The following MARCO variants were observed in gnomAD, a reference collection of about 807,000 sequenced individuals.
MARCO encodes the protein macrophage receptor MARCO.
In MARCO, 72 loss-of-function variants were observed where a neutral mutation model predicts 70.0. That is an observed-to-expected ratio of 1.03 (90% CI 0.85 to 1.25). The LOEUF (loss-of-function observed/expected upper bound fraction) is 1.25, where lower values mean the gene tolerates loss of function less well. Among genes scored for constraint, MARCO ranks in the 50% most tolerant of loss-of-function variants. The probability of loss-of-function intolerance (pLI) is 0.00; values close to 1 mark genes in which losing one functional copy is unlikely to be tolerated. For synonymous variants in MARCO, 273 were observed against 243.1 expected (o/e 1.12, Z -1.14); for missense variants, 696 against 659.3 (o/e 1.06, Z -0.61).
Position 118,956,412 on chromosome 2 carries a change from T to TACTTCAATACTCCACTGACAGCACA in MARCO, c.98-12748_98-12747insACTTCAATACTCCACTGACAGCACA, listed in dbSNP as rs1553461119. 4.9e-5 allele frequency among the ~76,000 whole-genome samples: 7 copies of TACTTCAATACTCCACTGACAGCACA among 144,288 alleles called. No individual in the cohort carries two copies. The South Asian group carries it at 7.1e-4, about 15-fold the overall frequency. 94.7% of individuals were successfully genotyped at this position (144,288 alleles called of 152,430 possible). A position where few individuals can be genotyped will look rare whatever the true frequency, so the allele number is the denominator to read the frequency against. On this transcript the variant is annotated intron_variant, in intron 1 of 16. Transcript: ENST00000327097. ...AGAGACAAAAAGGGACATTATGTAA[T>TACTTCAATACTCCACTGACAGCACA]GGTAAAAGTCCTTGTCCAACAGGAA...
At chr2:118,986,522 A>T (rs1378192683) in intron 12 of MARCO, among the ~76,000 whole-genome samples, 1 of 136,444 alleles carries the variant, frequency 7.3e-6, no homozygotes, top group Non-Finnish European at 1.5e-5. Flanking sequence ...CCTGTCAAAA[A>T]GAAGAAAGAA....
At chr2:118,978,451 T>C (rs922632971) in intron 8 of MARCO, among the ~76,000 whole-genome samples, 1 of 152,176 alleles carries the variant, frequency 6.6e-6, no homozygotes. Context: ...ACCATGAAGG[T>C]CTGTGCACCA....
chr2:118,951,077 C>CA (rs1477969393), intron 1 of MARCO, among the ~76,000 whole-genome samples: 2 of 152,226 alleles, frequency 1.3e-5, no homozygotes, highest in African/African-American at 2.4e-5. Flanking sequence ...TGGCTGAGTG[C>CA]AAACAGCTCC....
chr2:118,951,965 C>T (rs1291156115), intron 1 of MARCO, among the ~76,000 whole-genome samples: 4 of 151,986 alleles, frequency 2.6e-5, no homozygotes, highest in Non-Finnish European at 5.9e-5. Context: ...TTTCCTCTCC[C>T]AGTTTCTCTC....
intron 12 of MARCO, among the ~76,000 whole-genome samples, chr2:118,986,501 C>T (rs983442805): frequency 1.5e-5 from 2 of 136,098 alleles, no homozygotes; most frequent in African/African-American, 5.4e-5. Flanking sequence ...GCCTGAGCAA[C>T]AGAGTGAGAC....
At chr2:118,972,862 C>T (rs1680199158) in intron 4 of MARCO, among the ~76,000 whole-genome samples, 1 of 152,174 alleles carries the variant, frequency 6.6e-6, no homozygotes, top group South Asian at 2.1e-4. Context: ...GGGTTCAGTA[C>T]AACCTTCAAA....
intron 12 of MARCO, among the ~76,000 whole-genome samples, chr2:118,983,782 T>C (rs1680436368): frequency 6.6e-6 from 1 of 152,002 alleles, no homozygotes; most frequent in African/African-American, 2.4e-5. Context: ...CATCTCTCGG[T>C]TGTAAATAGT....
rs564049551 is a variant in MARCO, at chr2:118,951,690, G to T, written c.97+9293G>T. 2.6e-5 allele frequency among the ~76,000 whole-genome samples: 4 copies of T among 152,356 alleles called. No individual in the cohort carries two copies. The South Asian group carries it at 8.3e-4, about 32-fold the overall frequency. On this transcript the variant is annotated intron_variant, in intron 1 of 16. Transcript: ENST00000327097. ...CAAGGTGGTATTGGAGTGTTATAGGGTCATGAAGAAGACTTTCAATTATCA... is the reference window on the plus strand; with the variant it reads ...CAAGGTGGTATTGGAGTGTTATAGGTTCATGAAGAAGACTTTCAATTATCA...
chr2:118,990,378 T>C lies in MARCO; in HGVS notation c.1064-211T>C, dbSNP rs558696906. On this transcript the variant is annotated intron_variant, in intron 12 of 16. Transcript: ENST00000327097. ...TAATCCAGGCTTTCATCCAGTACTT[T>C]GCCGTTTCACCCCCAACACACCTGT... is the stretch of plus-strand genomic sequence containing the variant. Among the ~76,000 whole-genome samples the C allele has an allele frequency of 2.0e-5, 3 of 152,288 alleles. No homozygotes were observed. In the South Asian group the frequency reaches 6.2e-4, roughly 32 times the overall value.
At chr2:118,969,061 G>T in intron 1 of MARCO, 99 bp from the exon 2 acceptor site, 1 of 808,832 alleles carries the variant, frequency 1.2e-6, no homozygotes, top group South Asian at 1.5e-5. Context: ...TGACCTCACA[G>T]GGTGCCCCCT....
intron 1 of MARCO, among the ~76,000 whole-genome samples, chr2:118,968,571 AC>A (rs1680100268): frequency 6.6e-6 from 1 of 152,164 alleles, no homozygotes; most frequent in South Asian, 2.1e-4. Context: ...TCGGGTTAGG[AC>A]CTTAGGGGGT....
intron 8 of MARCO, among the ~76,000 whole-genome samples, chr2:118,979,144 A>G (rs1680342002): frequency 6.6e-6 from 1 of 152,202 alleles, no homozygotes; most frequent in Non-Finnish European, 1.5e-5. Context: ...CCTCAAGAAG[A>G]CAGCCCTTAG....
At chr2:118,954,657 G>A (rs1004882072) in intron 1 of MARCO, among the ~76,000 whole-genome samples, 2 of 152,144 alleles carry the variant, frequency 1.3e-5, no homozygotes, top group Non-Finnish European at 2.9e-5. Flanking sequence ...GACCCTCACA[G>A]AGTCCACTGC....
chr2:118,986,056 A>G (rs1315295910), intron 12 of MARCO, among the ~76,000 whole-genome samples: 1 of 152,188 alleles, frequency 6.6e-6, no homozygotes, highest in Non-Finnish European at 1.5e-5. Flanking sequence ...CATTCCTTAT[A>G]TCTAAGTTCT....
intron 1 of MARCO, among the ~76,000 whole-genome samples, chr2:118,947,534 A>G (rs970991629): frequency 2.0e-5 from 3 of 152,060 alleles, no homozygotes; most frequent in African/African-American, 7.2e-5. Context: ...AGGTTTTCAT[A>G]TGTTTCATTT....
chr2:118,986,871 C>G (rs1680528632), intron 12 of MARCO, among the ~76,000 whole-genome samples: 1 of 152,074 alleles, frequency 6.6e-6, no homozygotes, highest in South Asian at 2.1e-4. Context: ...GAGATCTGAG[C>G]CTCAGCTTGA....
intron 12 of MARCO, among the ~76,000 whole-genome samples, chr2:118,986,694 AAAG>A (rs1573407468): frequency 2.1e-5 from 2 of 93,952 alleles, no homozygotes; most frequent in Non-Finnish European, 2.1e-5. Flanking sequence ...AGAAAGAAAG[AAAG>A]AAAGAAAGAA....
rs1266475606 is a variant in MARCO, at chr2:118,942,234, A to G, written c.-67A>G. On this transcript the variant is annotated 5_prime_UTR_variant, in exon 1 of 17. Coordinates refer to ENST00000327097, the MANE Select transcript of MARCO (RefSeq NM_006770.4). ...GGTTCGATGGGAAGGATCTTTCTCC[A>G]AGTGGTTCCTCTTGAGGGGAGCATT... The G allele has an allele frequency of 1.1e-5, 11 of 996,666 alleles. No individual in the cohort carries two copies. Among genetic ancestry groups the G allele is most frequent in the South Asian group, 6.6e-5 (5 of 75,304 alleles). 61.7% of individuals were successfully genotyped at this position (996,666 alleles called of 1,614,324 possible).
intron 4 of MARCO, among the ~76,000 whole-genome samples, chr2:118,972,596 A>G (rs1020018113): frequency 1.3e-5 from 2 of 152,178 alleles, no homozygotes; most frequent in Non-Finnish European, 2.9e-5. Context: ...AAAACAATAA[A>G]TGTACACCTC....
Sources: allele counts gnomAD v4.1 joint callset (sites outside exome capture counted in the v4.1 genomes callset), GRCh38; gene constraint gnomAD v4.1.1; transcripts MANE v1.5; gene names NCBI Gene and HGNC (gene_info 2026-07-23, HGNC 2026-07-21).